The following GAGE10 variants were observed in gnomAD, a reference collection of about 807,000 sequenced individuals.
GAGE10 encodes G antigen 10.
A neutral mutation model predicts 11.5 loss-of-function variants in GAGE10; 9 were observed. The ratio of observed to expected loss-of-function variants is 0.78; its 90% CI spans 0.47 to 1.37. GAGE10 has a LOEUF of 1.37. GAGE10 is among the 40% of genes most tolerant of loss of function. The probability of loss-of-function intolerance (pLI) is 0.00; values close to 1 mark genes in which losing one functional copy is unlikely to be tolerated. For missense variants in GAGE10, 83 were observed against 92.9 expected (o/e 0.89, Z 0.44); for synonymous variants, 23 against 29.7 (o/e 0.77, Z 0.73).
chrX:49,317,403 A>C, intron 4 of GAGE10, 115 bp downstream of exon 4: 1 of 1,046,951 alleles, frequency 9.6e-7, no homozygotes. Flanking sequence ...GCTGGAGTGC[A>C]GTGGTGGCAT....
At chrX:49,304,486 G>T (rs1557123805) in intron 1 of GAGE10, among the ~76,000 whole-genome samples, 1 of 113,124 alleles carries the variant, frequency 8.8e-6, no homozygotes, top group Non-Finnish European at 1.9e-5. Flanking sequence ...TGCGCCTGTA[G>T]TCCCAGTTAC....
intron 3 of GAGE10, among the ~76,000 whole-genome samples, chrX:49,308,754 T>C (rs1442054973): frequency 3.7e-5 from 4 of 107,243 alleles, no homozygotes; most frequent in African/African-American, 1.4e-4. Flanking sequence ...CAACTGGGAG[T>C]GTGTGGGTGT....
chrX:49,307,475 C>CTTTTT lies in GAGE10; in HGVS notation c.202+1960_202+1964dup, dbSNP rs60753797. Among the ~76,000 whole-genome samples the CTTTTT allele has an allele frequency of 3.9e-5, 4 of 103,661 alleles. No homozygotes were observed. In the Admixed American group the frequency reaches 4.2e-4, roughly 11 times the overall value. 90.0% of individuals were successfully genotyped at this position (103,661 alleles called of 115,157 possible). On this transcript the variant is annotated intron_variant, in intron 3 of 4. Transcript: ENST00000407599. ...AGTTCTCCAGACAATTTCTTTTTTC[C>CTTTTT]TTTTTTTTTTTTTCCTTTGTTGAGA...
At chrX:49,306,836 TAAAC>T (rs10580626) in intron 3 of GAGE10, among the ~76,000 whole-genome samples, 46,420 of 108,509 alleles carry the variant, frequency 0.43, 8,788 homozygotes, top group Non-Finnish European at 0.57. Flanking sequence ...AATAAATAAA[TAAAC>T]AAACAAACAA....
chrX:49,312,821 G>A (rs1258373452), intron 3 of GAGE10, among the ~76,000 whole-genome samples: 3 of 112,710 alleles, frequency 2.7e-5, no homozygotes, highest in African/African-American at 6.5e-5. Context: ...TTGGAAGGAC[G>A]ACTAGAAACT....
chrX:49,307,267 C>T (rs1456800568), intron 3 of GAGE10, among the ~76,000 whole-genome samples: 2 of 111,700 alleles, frequency 1.8e-5, no homozygotes, highest in African/African-American at 3.3e-5. Flanking sequence ...GTTATTAATG[C>T]TGAATTGTTT....
At chrX:49,305,143 A>T (rs4986775) in intron 2 of GAGE10, among the ~76,000 whole-genome samples, 1 of 111,387 alleles carries the variant, frequency 9.0e-6, no homozygotes, top group South Asian at 3.7e-4. Flanking sequence ...CTTCTTTCTC[A>T]GGCTTTGTTT....
chrX:49,318,495 G>A (rs2066402356), intron 4 of GAGE10, among the ~76,000 whole-genome samples: 1 of 81,835 alleles, frequency 1.2e-5, no homozygotes, highest in Non-Finnish European at 2.3e-5. Context: ...TTTTTGTAGA[G>A]ATGAGGTCTC....
intron 3 of GAGE10, among the ~76,000 whole-genome samples, chrX:49,313,129 A>G (rs782524539): frequency 8.9e-6 from 1 of 112,225 alleles, no homozygotes; most frequent in South Asian, 3.7e-4. Flanking sequence ...AAAAGACATC[A>G]TACCAAGATT....
At chrX:49,306,181 T>C (rs1368537249) in intron 3 of GAGE10, among the ~76,000 whole-genome samples, 6 of 112,414 alleles carry the variant, frequency 5.3e-5, no homozygotes, top group Non-Finnish European at 1.9e-5. Flanking sequence ...AACATTGAGA[T>C]AGAAATAATT....
At chrX:49,317,638 A>G (rs1477098982) in intron 4 of GAGE10, among the ~76,000 whole-genome samples, 3 of 82,041 alleles carry the variant, frequency 3.7e-5, no homozygotes, top group Non-Finnish European at 5.8e-5. Context: ...GAGAGCCACC[A>G]TACGCGACCA....
In GAGE10 at chrX:49,303,744, G is replaced by A. The variant is rs1440521439; in HGVS notation, c.-18G>A. ...GTCTGGAATATTTTTCCTCTACTGA[G>A]ATTCATCTGGTAGGTCTGCAGGCCA... On this transcript the variant is annotated 5_prime_UTR_variant, in exon 1 of 5. Coordinates refer to ENST00000407599, the MANE Select transcript of GAGE10 (RefSeq NM_001098413.4). The A allele has an allele frequency of 6.2e-5, 7 of 113,054 alleles. No individual in the cohort carries two copies. Among genetic ancestry groups the A allele is most frequent in the Admixed American group, 5.6e-4 (6 of 10,697 alleles). 9.3% of individuals were successfully genotyped at this position (113,054 alleles called of 1,213,427 possible). A position where few individuals can be genotyped will look rare whatever the true frequency, so the allele number is the denominator to read the frequency against.
intron 4 of GAGE10, 53 bp downstream of exon 4, chrX:49,317,341 G>C: frequency 8.6e-7 from 1 of 1,156,281 alleles, no homozygotes; most frequent in Non-Finnish European, 1.2e-6. Context: ...CCACAGTATC[G>C]TATCATAATT....
chrX:49,317,382 C>G (rs1480511346), intron 4 of GAGE10, 94 bp downstream of exon 4: 27 of 1,106,259 alleles, frequency 2.4e-5, no homozygotes, highest in Non-Finnish European at 3.2e-5. Context: ...GAGTCTTGCT[C>G]TGTCCACCAG....
chrX:49,315,678 G>A (rs2066389355), intron 3 of GAGE10, among the ~76,000 whole-genome samples: 1 of 112,466 alleles, frequency 8.9e-6, no homozygotes, highest in Admixed American at 9.4e-5. Context: ...GATGATAATG[G>A]CTGAGCTGTC....
intron 4 of GAGE10, among the ~76,000 whole-genome samples, chrX:49,317,649 AG>A (rs5902444): frequency 0.44 from 48,709 of 110,305 alleles, 9,093 homozygotes; most frequent in Non-Finnish European, 0.59. Context: ...TACGCGACCA[AG>A]GCATTATATT....
chrX:49,315,207 C>T (rs1160207268), intron 3 of GAGE10, among the ~76,000 whole-genome samples: 3 of 112,015 alleles, frequency 2.7e-5, no homozygotes, highest in Non-Finnish European at 3.8e-5. Context: ...TGGACAGGGG[C>T]GTGTGTGTTA....
intron 3 of GAGE10, among the ~76,000 whole-genome samples, chrX:49,311,794 C>G (rs1207907418): frequency 4.5e-5 from 5 of 112,078 alleles, no homozygotes; most frequent in African/African-American, 1.6e-4. Flanking sequence ...CTTATCCAAG[C>G]GACTGGACTT....
intron 3 of GAGE10, among the ~76,000 whole-genome samples, chrX:49,311,781 A>T (rs11798415): frequency 0.44 from 49,036 of 110,913 alleles, 9,121 homozygotes; most frequent in Non-Finnish European, 0.59. Context: ...GGCCGGTAGC[A>T]TACTTATCCA....
Sources: gnomAD v4.1 joint callset for allele counts (sites outside exome capture counted in the v4.1 genomes callset) on GRCh38, gnomAD v4.1.1 for gene constraint, MANE v1.5 for transcripts, NCBI Gene and HGNC (gene_info 2026-07-23, HGNC 2026-07-21) for gene names.